GRID2: variants seen among roughly 807,000 people sequenced by gnomAD.
GRID2 encodes glutamate receptor ionotropic, delta-2.
In GRID2, 33 loss-of-function variants were observed where a neutral mutation model predicts 114.8. That is an observed-to-expected ratio of 0.29 (90% confidence interval 0.22 to 0.38). The LOEUF is 0.38. Among genes scored for constraint, GRID2 ranks in the 10% least tolerant of loss-of-function variants. GRID2 has a pLI of 1.00. For missense variants in GRID2, 1,184 were observed against 1,257.7 expected, an observed-to-expected ratio of 0.94 and a Z score of 0.89; for synonymous variants, 505 against 449.9, an observed-to-expected ratio of 1.12 and a Z score of -1.55.
intron 8 of GRID2, among the ~76,000 whole-genome samples, chr4:93,267,498 G>A (rs1023291203): frequency 2.6e-5 from 4 of 152,194 alleles, no homozygotes; most frequent in African/African-American, 9.6e-5. Flanking sequence ...ATTGGGACCT[G>A]ATGCACTGTC....
intron 8 of GRID2, among the ~76,000 whole-genome samples, chr4:93,242,042 A>G (rs1747584026): frequency 6.6e-6 from 1 of 151,840 alleles, no homozygotes; most frequent in Non-Finnish European, 1.5e-5. Context: ...GGCACCGGGG[A>G]ACATCATTTT....
chr4:93,593,855 G>T (rs1414616949), intron 13 of GRID2, among the ~76,000 whole-genome samples: 1 of 151,950 alleles, frequency 6.6e-6, no homozygotes, highest in Non-Finnish European at 1.5e-5. Context: ...ATCGGCTCCT[G>T]AGGCTTCTGC....
At chr4:93,282,295 CT>C in intron 8 of GRID2, 1 of 324,378 alleles carries the variant, frequency 3.1e-6, no homozygotes, top group Non-Finnish European at 6.1e-6. Flanking sequence ...TTAAAAGTAC[CT>C]GCCTTAGTCC....
At chr4:93,433,434 A>G (rs1390771912) in intron 10 of GRID2, among the ~76,000 whole-genome samples, 1 of 152,258 alleles carries the variant, frequency 6.6e-6, no homozygotes, top group Non-Finnish European at 1.5e-5. Context: ...TGGAGATAGC[A>G]TGAATAGAGT....
At chr4:93,721,964 G>C (rs1454205194) in intron 14 of GRID2, among the ~76,000 whole-genome samples, 1 of 149,012 alleles carries the variant, frequency 6.7e-6, no homozygotes, top group Non-Finnish European at 1.5e-5. Flanking sequence ...TGCCGCCCAG[G>C]CTGGAGTGCA....
At chr4:93,701,129 A>T (rs75583332) in intron 14 of GRID2, among the ~76,000 whole-genome samples, 6,404 of 152,256 alleles carry the variant, frequency 0.042, 219 homozygotes, top group African/African-American at 0.084. Flanking sequence ...TAAAAAATAA[A>T]AAGTAATTTG....
chr4:92,758,357 G>A (rs919436055), intron 2 of GRID2, among the ~76,000 whole-genome samples: 1 of 151,852 alleles, frequency 6.6e-6, no homozygotes, highest in East Asian at 1.9e-4. Context: ...TCAGGATTTT[G>A]TTCTATGACT....
intron 13 of GRID2, among the ~76,000 whole-genome samples, chr4:93,531,968 T>C (rs888924669): frequency 2.0e-5 from 3 of 152,154 alleles, no homozygotes; most frequent in Admixed American, 6.6e-5. Flanking sequence ...TCTTTAAGAA[T>C]CAAAGATAAT....
At chr4:93,392,840 G>C (rs1056483802) in intron 8 of GRID2, among the ~76,000 whole-genome samples, 3 of 151,966 alleles carry the variant, frequency 2.0e-5, no homozygotes, top group Non-Finnish European at 4.4e-5. Flanking sequence ...ACTTTAAAAA[G>C]AAGTGAATTA....
chr4:93,589,585 G>A (rs902028293), intron 13 of GRID2, among the ~76,000 whole-genome samples: 83 of 152,024 alleles, frequency 5.5e-4, no homozygotes, highest in African/African-American at 2.0e-3. Flanking sequence ...GGATGGCTGG[G>A]TCAAATGGTA....
At chr4:93,615,520 G>A (rs1427464799) in intron 13 of GRID2, among the ~76,000 whole-genome samples, 1 of 151,808 alleles carries the variant, frequency 6.6e-6, no homozygotes, top group African/African-American at 2.4e-5. Context: ...GGGTCAAATG[G>A]TATTTCTAGC....
intron 13 of GRID2, among the ~76,000 whole-genome samples, chr4:93,571,885 C>A (rs1433338434): frequency 6.6e-6 from 1 of 152,076 alleles, no homozygotes; most frequent in East Asian, 1.9e-4. Flanking sequence ...TTTTACTCCC[C>A]AGCTCTGTTA....
intron 1 of GRID2, among the ~76,000 whole-genome samples, chr4:92,414,648 T>C (rs927306238): frequency 6.6e-6 from 1 of 152,156 alleles, no homozygotes; most frequent in African/African-American, 2.4e-5. Context: ...ACAGTGAGCC[T>C]AGAAAGTAAC....
intron 13 of GRID2, among the ~76,000 whole-genome samples, chr4:93,581,020 C>T (rs1293192409): frequency 2.0e-5 from 3 of 151,740 alleles, no homozygotes; most frequent in East Asian, 3.9e-4. Context: ...TAGGTATACA[C>T]GTGCCATGGT....
intron 10 of GRID2, among the ~76,000 whole-genome samples, chr4:93,428,264 T>G (rs893668407): frequency 3.3e-5 from 5 of 152,212 alleles, no homozygotes; most frequent in South Asian, 2.1e-4. Context: ...ATTAATTTGT[T>G]TGGAAAAGAT....
chr4:93,393,575 T>C (rs984153981), intron 8 of GRID2, among the ~76,000 whole-genome samples: 3 of 152,008 alleles, frequency 2.0e-5, no homozygotes, highest in African/African-American at 7.2e-5. Context: ...CTGTCATTGT[T>C]TGGAACCTCC....
chr4:92,304,571 C>T lies in GRID2; in HGVS notation c.-86C>T. The T allele has an allele frequency of 1.2e-6, 1 of 853,996 alleles. No individual in the cohort carries two copies. The highest frequency in any genetic ancestry group is 2.0e-6 in the Non-Finnish European group (1 of 501,366). The allele number at this position is 853,996 out of a possible 1,614,324, so 52.9% of individuals were successfully genotyped here. A position where few individuals can be genotyped will look rare whatever the true frequency, so the allele number is the denominator to read the frequency against. ...AAAAAGAAAAAGCTGCGCTAAACTC[C>T]ACCGTGACCTCAAACTCTTTGGACT... On this transcript the variant is annotated 5_prime_UTR_variant, in exon 1 of 16. Coordinates refer to ENST00000282020, the MANE Select transcript of GRID2 (RefSeq NM_001510.4).
At chr4:93,041,017 G>T (rs1183746921) in intron 2 of GRID2, among the ~76,000 whole-genome samples, 1 of 152,072 alleles carries the variant, frequency 6.6e-6, no homozygotes, top group Non-Finnish European at 1.5e-5. Context: ...GAATGGTAGC[G>T]ATTGTAAAAT....
At chr4:92,465,143 G>A (rs1333103954) in intron 1 of GRID2, among the ~76,000 whole-genome samples, 1 of 152,004 alleles carries the variant, frequency 6.6e-6, no homozygotes, top group Non-Finnish European at 1.5e-5. Context: ...CTCAGTTTCA[G>A]GTATGTGTTT....
Sources: allele counts gnomAD v4.1 joint callset (sites outside exome capture counted in the v4.1 genomes callset), GRCh38; gene constraint gnomAD v4.1.1; transcripts MANE v1.5; gene names NCBI Gene and HGNC (gene_info 2026-07-23, HGNC 2026-07-21).